Variants in PDE4D observed in about 807,000 individuals in gnomAD.
The protein encoded by PDE4D is phosphodiesterase 4D.
A neutral mutation model predicts 87.4 loss-of-function variants in PDE4D; 24 were observed. The observed-to-expected ratio is 0.27, with a 90% confidence interval of 0.20 to 0.39. PDE4D has a LOEUF of 0.39. Among genes scored for constraint, PDE4D ranks in the 10% least tolerant of loss-of-function variants. PDE4D has a pLI of 1.00. For synonymous variants in PDE4D, 384 were observed against 383.2 expected (o/e 1.00, Z -0.02); for missense variants, 714 against 1,041.0 (o/e 0.69, Z 4.32).
At chr5:60,350,596 T>C (rs775273856) in intron 1 of PDE4D, among the ~76,000 whole-genome samples, 1 of 152,112 alleles carries the variant, frequency 6.6e-6, no homozygotes, top group South Asian at 2.1e-4. Flanking sequence ...GGCCAGCAAA[T>C]GCAGGCCCCA....
chr5:60,496,817 A>G (rs1351417989), intron 1 of PDE4D, among the ~76,000 whole-genome samples: 1 of 152,232 alleles, frequency 6.6e-6, no homozygotes, highest in Non-Finnish European at 1.5e-5. Flanking sequence ...CTAACTGTTC[A>G]GATTTAAATT....
chr5:59,713,576 T>A (rs1323603951), intron 1 of PDE4D, among the ~76,000 whole-genome samples: 1 of 152,124 alleles, frequency 6.6e-6, no homozygotes, highest in Non-Finnish European at 1.5e-5. Flanking sequence ...AGTTAGAACC[T>A]GACAATTGGC....
At chr5:59,216,880 A>G (rs1362022907) in intron 1 of PDE4D, 1 of 189,778 alleles carries the variant, frequency 5.3e-6, no homozygotes, top group Non-Finnish European at 1.1e-5. Context: ...CTCCCAAGAC[A>G]CTTTCCCACT....
intron 1 of PDE4D, among the ~76,000 whole-genome samples, chr5:60,437,903 C>A (rs575705861): frequency 1.3e-5 from 2 of 152,136 alleles, no homozygotes; most frequent in South Asian, 4.1e-4. Flanking sequence ...TTCATTAGAA[C>A]AACTTTTGCA....
chr5:59,783,143 C>T (rs1764794023), intron 1 of PDE4D, among the ~76,000 whole-genome samples: 2 of 152,188 alleles, frequency 1.3e-5, no homozygotes, highest in African/African-American at 4.8e-5. Flanking sequence ...TAGCAGAAGG[C>T]CTGGTTTTGG....
At chr5:59,443,342 AATAG>A (rs1456855948) in intron 1 of PDE4D, among the ~76,000 whole-genome samples, 2 of 152,226 alleles carry the variant, frequency 1.3e-5, no homozygotes, top group Non-Finnish European at 2.9e-5. Context: ...GACACAAAGA[AATAG>A]ATAAAGACAG....
intron 1 of PDE4D, among the ~76,000 whole-genome samples, chr5:59,478,415 A>G (rs190170571): frequency 5.3e-5 from 8 of 152,228 alleles, no homozygotes; most frequent in Non-Finnish European, 1.2e-4. Context: ...CAGAAATAAG[A>G]TTTCAGAGGA....
chr5:60,115,612 C>T (rs571922175), intron 2 of PDE4D, among the ~76,000 whole-genome samples: 1 of 152,176 alleles, frequency 6.6e-6, no homozygotes, highest in Admixed American at 6.6e-5. Context: ...CCTGGATTTA[C>T]ACAGCTTAAA....
chr5:59,404,056 G>T (rs1791170552), intron 1 of PDE4D, among the ~76,000 whole-genome samples: 2 of 152,200 alleles, frequency 1.3e-5, no homozygotes, highest in South Asian at 4.1e-4. Context: ...GATGACCAAT[G>T]ACATTGCACA....
intron 2 of PDE4D, among the ~76,000 whole-genome samples, chr5:60,069,872 A>G (rs1239954836): frequency 1.3e-5 from 2 of 152,008 alleles, no homozygotes; most frequent in African/African-American, 4.8e-5. Context: ...AGTTTTTAAT[A>G]CACAAATCTT....
intron 1 of PDE4D, among the ~76,000 whole-genome samples, chr5:59,759,063 A>T (rs942159380): frequency 6.6e-6 from 1 of 152,092 alleles, no homozygotes; most frequent in Non-Finnish European, 1.5e-5. Flanking sequence ...AAAACCATTA[A>T]AAAAAAGACA....
At chr5:60,319,703 T>A (rs1201355290) in intron 1 of PDE4D, among the ~76,000 whole-genome samples, 1 of 152,212 alleles carries the variant, frequency 6.6e-6, no homozygotes, top group Admixed American at 6.5e-5. Context: ...CTTCTAACAG[T>A]TAGGACCCTC....
intron 2 of PDE4D, among the ~76,000 whole-genome samples, chr5:60,178,995 G>A (rs1347967115): frequency 6.6e-6 from 1 of 152,066 alleles, no homozygotes; most frequent in Non-Finnish European, 1.5e-5. Flanking sequence ...AGGATGTTGA[G>A]GGCTGCAAGT....
intron 1 of PDE4D, among the ~76,000 whole-genome samples, chr5:59,374,888 A>G (rs1784464731): frequency 2.0e-5 from 3 of 152,232 alleles, no homozygotes. Flanking sequence ...AAACCATGCA[A>G]TTACATGGAA....
At chr5:59,081,324 T>C (rs1429913104) in intron 5 of PDE4D, among the ~76,000 whole-genome samples, 1 of 152,108 alleles carries the variant, frequency 6.6e-6, no homozygotes, top group African/African-American at 2.4e-5. Flanking sequence ...GAAGAGAAAG[T>C]CAAATGTTTT....
intron 1 of PDE4D, among the ~76,000 whole-genome samples, chr5:60,423,971 C>G (rs1313340300): frequency 3.3e-5 from 5 of 152,132 alleles, no homozygotes; most frequent in Admixed American, 3.3e-4. Context: ...CATACACCCT[C>G]CCAAGAATAA....
At chr5:59,625,369 T>C (rs1305078119) in intron 1 of PDE4D, among the ~76,000 whole-genome samples, 1 of 152,180 alleles carries the variant, frequency 6.6e-6, no homozygotes, top group Non-Finnish European at 1.5e-5. Context: ...GTGGCAGTAA[T>C]GATCTTGAGA....
chr5:59,541,213 C>A (rs981151361), intron 1 of PDE4D, among the ~76,000 whole-genome samples: 1 of 152,106 alleles, frequency 6.6e-6, no homozygotes, highest in African/African-American at 2.4e-5. Context: ...AAATAGAAGG[C>A]GCTCAGTATG....
intron 1 of PDE4D, among the ~76,000 whole-genome samples, chr5:59,317,026 T>C (rs1773878047): frequency 6.6e-6 from 1 of 152,206 alleles, no homozygotes; most frequent in Non-Finnish European, 1.5e-5. Context: ...GCCTCAGTAC[T>C]ATAGGCAGGC....
Sources: gnomAD v4.1 joint callset for allele counts (sites outside exome capture counted in the v4.1 genomes callset) on GRCh38, gnomAD v4.1.1 for gene constraint, MANE v1.5 for transcripts, NCBI Gene and HGNC (gene_info 2026-07-23, HGNC 2026-07-21) for gene names.